The following KDM4B variants were observed in gnomAD, a reference collection of about 807,000 sequenced individuals.
The protein encoded by KDM4B is lysine-specific demethylase 4B.
A neutral mutation model predicts 125.2 loss-of-function variants in KDM4B; 32 were observed. The ratio of observed to expected loss-of-function variants is 0.26; its 90% CI spans 0.19 to 0.34. The LOEUF is 0.34. Among genes scored for constraint, KDM4B ranks in the 10% least tolerant of loss-of-function variants. KDM4B has a pLI of 1.00. For synonymous variants in KDM4B, 721 were observed against 677.9 expected, an observed-to-expected ratio of 1.06 and a Z score of -0.99; for missense variants, 1,190 against 1,577.7, an observed-to-expected ratio of 0.75 and a Z score of 4.16.
intron 1 of KDM4B, among the ~76,000 whole-genome samples, chr19:4,979,430 C>G (rs7248309): frequency 6.6e-6 from 1 of 152,124 alleles, no homozygotes; most frequent in African/African-American, 2.4e-5. Context: ...GAGGAAGTAG[C>G]GAGAGGAACT....
intron 18 of KDM4B, chr19:5,140,511 C>G (rs2620834): frequency 0.53 from 79,950 of 152,072 alleles, 21,413 homozygotes; most frequent in East Asian, 0.65. Context: ...CGAGGCGGGT[C>G]GATCTCCTGA....
At chr19:5,052,841 C>T (rs1002834113) in intron 6 of KDM4B, among the ~76,000 whole-genome samples, 2 of 152,210 alleles carry the variant, frequency 1.3e-5, no homozygotes, top group South Asian at 2.1e-4. Context: ...CTGCTGCTGG[C>T]GAGCCAACCA....
intron 3 of KDM4B, among the ~76,000 whole-genome samples, chr19:5,034,408 C>G (rs1254052077): frequency 6.6e-6 from 1 of 152,234 alleles, no homozygotes; most frequent in Non-Finnish European, 1.5e-5. Flanking sequence ...AAAGAGCAAC[C>G]AGACGCCGTG....
intron 2 of KDM4B, among the ~76,000 whole-genome samples, chr19:5,023,618 C>T (rs2036189604): frequency 6.6e-6 from 1 of 152,162 alleles, no homozygotes; most frequent in Non-Finnish European, 1.5e-5. Context: ...GGGGCTTCAC[C>T]TGATGCCCAG....
At chr19:5,039,714 G>T (rs888074266) in intron 3 of KDM4B, 122 bp from the exon 4 acceptor site, 41 of 1,103,304 alleles carry the variant, frequency 3.7e-5, no homozygotes, top group Non-Finnish European at 5.4e-5. Context: ...GTGCCCCTGG[G>T]GGGTGTCCCG....
chr19:4,984,702 G>A (rs555701981), intron 1 of KDM4B, among the ~76,000 whole-genome samples: 2 of 152,318 alleles, frequency 1.3e-5, no homozygotes, highest in East Asian at 3.9e-4. Context: ...GGGTGTGTCT[G>A]TGGGTCTTGC....
rs1051535937 is a variant in KDM4B at position 5,152,052 on chromosome 19, T to G, written c.*541T>G. 6.6e-6 allele frequency: 1 copy of G among 152,168 alleles called. No individual in the cohort carries two copies. Among genetic ancestry groups the G allele is most frequent in the Non-Finnish European group, 1.5e-5 (1 of 68,030 alleles). 9.4% of individuals were successfully genotyped at this position (152,168 alleles called of 1,614,324 possible). A position where few individuals can be genotyped will look rare whatever the true frequency, so the allele number is the denominator to read the frequency against. On this transcript the variant is annotated 3_prime_UTR_variant, in exon 23 of 23. Coordinates refer to ENST00000159111, the MANE Select transcript of KDM4B (RefSeq NM_015015.3). Reference sequence around the variant, plus strand: ...TTTTTTTGTTGTTGTTTTAAAATATTATGATTTGGCTACAGACCAGGCAGG... The same window carrying G: ...TTTTTTTGTTGTTGTTTTAAAATATGATGATTTGGCTACAGACCAGGCAGG...
chr19:5,053,094 C>T (rs534561661), intron 6 of KDM4B, among the ~76,000 whole-genome samples: 1 of 152,360 alleles, frequency 6.6e-6, no homozygotes, highest in East Asian at 1.9e-4. Context: ...TGGAAATTGC[C>T]TGGAGCCTGA....
chr19:5,109,391 G>C (rs143721624), intron 9 of KDM4B, among the ~76,000 whole-genome samples: 221 of 152,332 alleles, frequency 1.5e-3, no homozygotes, highest in South Asian at 3.7e-3. Context: ...AGCATCACCA[G>C]GTCACCTGCA....
intron 11 of KDM4B, 57 bp downstream of exon 11, chr19:5,119,909 T>C: frequency 6.6e-7 from 1 of 1,526,056 alleles, no homozygotes; most frequent in Non-Finnish European, 8.8e-7. Flanking sequence ...CGTGGGCATC[T>C]CCTAGAAGGA....
intron 9 of KDM4B, among the ~76,000 whole-genome samples, chr19:5,099,792 G>C (rs2038897028): frequency 6.6e-6 from 1 of 152,256 alleles, no homozygotes. Flanking sequence ...GACACAGTGA[G>C]AAGGCACCAT....
rs1481467398 is a variant in KDM4B at position 4,997,752 on chromosome 19, C to T, written c.-108-18505C>T. Among the ~76,000 whole-genome samples, 1 of 152,204 alleles carries T rather than the reference C, an allele frequency of 6.6e-6. No homozygotes were observed. Among genetic ancestry groups the T allele is most frequent in the Non-Finnish European group, 1.5e-5 (1 of 68,036 alleles). Reference sequence around the variant, plus strand: ...TGCCTGCATGGGGGCTCCAGGACCTCGTCATCAGCCTCTTCATCCTTACTG... The same window carrying T: ...TGCCTGCATGGGGGCTCCAGGACCTTGTCATCAGCCTCTTCATCCTTACTG... On this transcript the variant is annotated intron_variant, in intron 1 of 22. Transcript: ENST00000159111. The surrounding 1 kb of genome is among the most constrained non-coding windows in gnomAD (Gnocchi z 4.2).
At chr19:5,130,587 A>G (rs2039524436) in intron 11 of KDM4B, among the ~76,000 whole-genome samples, 1 of 152,254 alleles carries the variant, frequency 6.6e-6, no homozygotes, top group East Asian at 1.9e-4. Flanking sequence ...ACTTTCGTCA[A>G]AAGCAAAACC....
chr19:5,144,713 G>A, intron 20 of KDM4B, 70 bp from the exon 21 acceptor site: 1 of 1,596,704 alleles, frequency 6.3e-7, no homozygotes, highest in South Asian at 1.1e-5. Flanking sequence ...CGCGGAGAGG[G>A]TCTAAAACCC....
intron 9 of KDM4B, among the ~76,000 whole-genome samples, chr19:5,093,416 C>CA (rs1468091063): frequency 1.3e-5 from 2 of 152,138 alleles, no homozygotes; most frequent in African/African-American, 4.8e-5. Context: ...TCTGTGCTGC[C>CA]AGGAATGGCC....
intron 10 of KDM4B, chr19:5,113,793 T>G: frequency 1.4e-6 from 1 of 692,552 alleles, no homozygotes; most frequent in Non-Finnish European, 1.8e-6. Flanking sequence ...GACCAAGGGA[T>G]GGCATCAGGG....
chr19:5,079,127 A>G (rs1397773817), intron 8 of KDM4B: 1 of 152,244 alleles, frequency 6.6e-6, no homozygotes. Flanking sequence ...AAGCCGATCA[A>G]TAGCAGAGCT....
rs1032305799 is a variant in KDM4B at position 5,137,481 on chromosome 19, A to G, written c.2386-140A>G. Reference sequence around the variant, plus strand: ...GCCCTGAGGGGGTGGAACCCAAGGGATTCCCACCCGTCACTTTGGTGGCTG... The same window carrying G: ...GCCCTGAGGGGGTGGAACCCAAGGGGTTCCCACCCGTCACTTTGGTGGCTG... On this transcript the variant is annotated intron_variant, in intron 16 of 22. Transcript: ENST00000159111. 4 of 1,189,740 alleles carry G rather than the reference A, an allele frequency of 3.4e-6. No individual in the cohort carries two copies. The African/African-American group carries it at 4.5e-5, about 13-fold the overall frequency. 73.7% of individuals were successfully genotyped at this position (1,189,740 alleles called of 1,614,324 possible).
At chr19:4,984,845 A>G (rs1468154602) in intron 1 of KDM4B, among the ~76,000 whole-genome samples, 2 of 151,972 alleles carry the variant, frequency 1.3e-5, no homozygotes, top group African/African-American at 4.8e-5. Flanking sequence ...AGGAGTTACT[A>G]ATGTACCTGG....
Sources: allele counts gnomAD v4.1 joint callset (sites outside exome capture counted in the v4.1 genomes callset), GRCh38; gene constraint gnomAD v4.1.1; non-coding constraint Gnocchi (gnomAD v3.1); transcripts MANE v1.5; gene names NCBI Gene and HGNC (gene_info 2026-07-23, HGNC 2026-07-21).